Variants in RNF144A observed in about 807,000 individuals in gnomAD.
The protein encoded by RNF144A is E3 ubiquitin-protein ligase RNF144A.
RNF144A carries 11 observed loss-of-function variants against 38.7 expected under a neutral mutation model. The observed-to-expected ratio is 0.28, with a 90% CI of 0.18 to 0.47. The LOEUF (loss-of-function observed/expected upper bound fraction) is 0.47. Among genes scored for constraint, RNF144A ranks in the 20% least tolerant of loss-of-function variants. The pLI, the probability that RNF144A is intolerant of heterozygous loss-of-function variation, is 0.99. For missense variants in RNF144A, 316 were observed against 377.2 expected (o/e 0.84, Z 1.34); for synonymous variants, 149 against 143.9 (o/e 1.04, Z -0.25).
chr2:7,012,056 T>G (rs922057746), intron 3 of RNF144A, among the ~76,000 whole-genome samples: 25 of 152,204 alleles, frequency 1.6e-4, no homozygotes, highest in Non-Finnish European at 2.9e-5. Flanking sequence ...GCGTCATGTT[T>G]TATCATTATA....
At chr2:6,990,414 A>G (rs1464067772) in intron 2 of RNF144A, among the ~76,000 whole-genome samples, 1 of 140,182 alleles carries the variant, frequency 7.1e-6, no homozygotes, top group Non-Finnish European at 1.5e-5. Flanking sequence ...ACACACACAC[A>G]CACACACACA....
At chr2:7,013,703 C>G (rs1670960838) in intron 3 of RNF144A, among the ~76,000 whole-genome samples, 1 of 152,194 alleles carries the variant, frequency 6.6e-6, no homozygotes, top group African/African-American at 2.4e-5. Context: ...CACTAGATTT[C>G]TAAGACTAGT....
intron 6 of RNF144A, among the ~76,000 whole-genome samples, chr2:7,049,784 A>C (rs1046698311): frequency 6.6e-6 from 1 of 152,226 alleles, no homozygotes; most frequent in East Asian, 1.9e-4. Context: ...AGAGGGACCG[A>C]GGAAAGAAAG....
Position 6,963,862 on chromosome 2 carries a change from T to C in RNF144A, c.-12+22715T>C, listed in dbSNP as rs1667489838. On this transcript the variant is annotated intron_variant, in intron 2 of 8. Coordinates refer to ENST00000320892, the MANE Select transcript of RNF144A (RefSeq NM_014746.6). The stretch of plus-strand genomic sequence containing the variant: ...CTAGAAGCAGGCGTGGGACACACTG[T>C]ATGCCCAGGAGTGGCTTTGCATTTG... 3.3e-5 allele frequency among the ~76,000 whole-genome samples: 5 copies of C among 152,292 alleles called. No homozygotes were observed. The South Asian group carries it at 1.0e-3, about 32-fold the overall frequency.
At chr2:7,044,957 A>G (rs1450528095), downstream of RNF144A, among the ~76,000 whole-genome samples, 1 of 152,234 alleles carries the variant, frequency 6.6e-6, no homozygotes, top group Non-Finnish European at 1.5e-5. Flanking sequence ...GTCAATTATC[A>G]TAAGAAGGTG....
chr2:6,991,091 A>T (rs1669340917), intron 2 of RNF144A, among the ~76,000 whole-genome samples: 1 of 152,238 alleles, frequency 6.6e-6, no homozygotes, highest in Non-Finnish European at 1.5e-5. Context: ...ACTGAAAGAC[A>T]GCTTGGTTGT....
intron 3 of RNF144A, among the ~76,000 whole-genome samples, chr2:7,001,029 G>C (rs1028288048): frequency 1.6e-4 from 24 of 152,200 alleles, no homozygotes; most frequent in African/African-American, 5.8e-4. Flanking sequence ...GCCAGGCACA[G>C]TGGCTCATGT....
chr2:7,051,955 C>T (rs1454416418), intron 6 of RNF144A, among the ~76,000 whole-genome samples: 1 of 152,160 alleles, frequency 6.6e-6, no homozygotes, highest in African/African-American at 2.4e-5. Flanking sequence ...TTCAGAATAA[C>T]CCAAGGACAC....
rs940394678 is a variant in RNF144A, at chr2:6,917,742, C to A, written c.-212+120C>A. 4 of 148,886 alleles carry A rather than the reference C, an allele frequency of 2.7e-5. No homozygotes were observed. The highest frequency in any genetic ancestry group is 9.8e-5 in the African/African-American group (4 of 41,010). The allele number at this position is 148,886 out of a possible 1,614,324, so 9.2% of individuals were successfully genotyped here. A position where few individuals can be genotyped will look rare whatever the true frequency, so the allele number is the denominator to read the frequency against. ...CTCGGGGCTTGCGGCCGCGCCTGCC[C>A]CGCTGGGTCCTGCCCCGGCGCCCGG... On this transcript the variant is annotated intron_variant, in intron 1 of 8. Coordinates refer to ENST00000320892, the MANE Select transcript of RNF144A (RefSeq NM_014746.6). This position sits in a 1 kb window ranked among gnomAD's most constrained non-coding sequence, Gnocchi z 4.8.
intron 2 of RNF144A, among the ~76,000 whole-genome samples, chr2:6,970,428 G>A (rs1667938186): frequency 6.6e-6 from 1 of 152,196 alleles, no homozygotes. Flanking sequence ...CCAGCCATGT[G>A]GAACTGTAAG....
chr2:7,007,050 G>GC (rs1421040012), intron 3 of RNF144A, among the ~76,000 whole-genome samples: 1 of 151,954 alleles, frequency 6.6e-6, no homozygotes, highest in Non-Finnish European at 1.5e-5. Flanking sequence ...TCAGAACCCT[G>GC]CCCCTTCCCA....
intron 8 of RNF144A, among the ~76,000 whole-genome samples, chr2:7,033,424 G>C (rs1247858127): frequency 6.6e-6 from 1 of 152,256 alleles, no homozygotes; most frequent in Admixed American, 6.5e-5. Context: ...CTTGGAACCT[G>C]GGAGAGCCTG....
chr2:6,966,153 G>A (rs1049650717), intron 2 of RNF144A, among the ~76,000 whole-genome samples: 10 of 152,162 alleles, frequency 6.6e-5, no homozygotes, highest in Non-Finnish European at 1.0e-4. Flanking sequence ...GAGAAACACC[G>A]GAATATTTTA....
intron 2 of RNF144A, among the ~76,000 whole-genome samples, chr2:6,995,679 A>G (rs748530007): frequency 1.3e-5 from 2 of 152,180 alleles, no homozygotes; most frequent in African/African-American, 2.4e-5. Context: ...CAGTCTTTCC[A>G]TGTTTTTCTG....
chr2:7,051,996 T>C (rs1673545633), intron 6 of RNF144A, among the ~76,000 whole-genome samples: 1 of 152,154 alleles, frequency 6.6e-6, no homozygotes, highest in Admixed American at 6.5e-5. Context: ...TTCTCACTCA[T>C]ATTACTCCTC....
chr2:6,993,373 C>A (rs1669518718), intron 2 of RNF144A, among the ~76,000 whole-genome samples: 1 of 152,048 alleles, frequency 6.6e-6, no homozygotes, highest in Admixed American at 6.6e-5. Context: ...AAATCATGGT[C>A]CAGGCAGAAA....
chr2:6,960,060 A>T (rs969792306), intron 2 of RNF144A, among the ~76,000 whole-genome samples: 1 of 152,208 alleles, frequency 6.6e-6, no homozygotes, highest in South Asian at 2.1e-4. Flanking sequence ...TGTGATTCCA[A>T]GAGTTATAAA....
chr2:6,936,817 A>G (rs180902179), intron 1 of RNF144A, among the ~76,000 whole-genome samples: 298 of 150,698 alleles, frequency 2.0e-3, no homozygotes, highest in Non-Finnish European at 3.0e-3. Flanking sequence ...CCTTCAGTAT[A>G]TCAGATTTTT....
At chr2:6,937,426 T>C (rs2103290652) in intron 1 of RNF144A, among the ~76,000 whole-genome samples, 1 of 152,270 alleles carries the variant, frequency 6.6e-6, no homozygotes, top group East Asian at 1.9e-4. Context: ...GTGGCCAGGC[T>C]CTCTTTATAA....
Sources: allele counts gnomAD v4.1 joint callset (sites outside exome capture counted in the v4.1 genomes callset), GRCh38; gene constraint gnomAD v4.1.1; non-coding constraint Gnocchi (gnomAD v3.1); transcripts MANE v1.5; gene names NCBI Gene and HGNC (gene_info 2026-07-23, HGNC 2026-07-21).